Variants in KHDRBS3 observed in about 807,000 individuals in gnomAD.
The protein encoded by KHDRBS3 is KH domain-containing, RNA-binding, signal transduction-associated protein 3.
Under a neutral mutation model 45.6 loss-of-function variants are expected in KHDRBS3, and 23 were observed. That is an observed-to-expected ratio of 0.50 (90% CI 0.36 to 0.72). KHDRBS3 has a LOEUF of 0.72. Ranked by LOEUF, KHDRBS3 falls within the 30% of genes least tolerant of loss-of-function variation. The probability of loss-of-function intolerance (pLI) is 0.00; values close to 1 mark genes in which losing one functional copy is unlikely to be tolerated. For missense variants in KHDRBS3, 352 were observed against 424.8 expected (o/e 0.83, Z 1.51); for synonymous variants, 162 against 156.5 (o/e 1.04, Z -0.26).
chr8:135,560,209 A>G (rs1827101858), intron 5 of KHDRBS3, among the ~76,000 whole-genome samples: 1 of 152,110 alleles, frequency 6.6e-6, no homozygotes, highest in African/African-American at 2.4e-5. Context: ...CTTATGATGA[A>G]CACTATATGT....
intron 1 of KHDRBS3, among the ~76,000 whole-genome samples, chr8:135,508,309 A>G (rs1189312724): frequency 1.3e-5 from 2 of 152,184 alleles, no homozygotes; most frequent in African/African-American, 4.8e-5. Context: ...TCATTAGTAC[A>G]GTCATATTTC....
chr8:135,617,985 G>A (rs561230491), intron 7 of KHDRBS3, among the ~76,000 whole-genome samples: 46 of 152,084 alleles, frequency 3.0e-4, no homozygotes, highest in Admixed American at 7.2e-4. Context: ...GGAGAATGTC[G>A]GTGCCTGAAT....
chr8:135,638,238 G>T (rs1196402666), intron 7 of KHDRBS3, among the ~76,000 whole-genome samples: 1 of 152,200 alleles, frequency 6.6e-6, no homozygotes, highest in Non-Finnish European at 1.5e-5. Flanking sequence ...AGTTCTGAGT[G>T]CAGGGTAATG....
intron 7 of KHDRBS3, among the ~76,000 whole-genome samples, chr8:135,634,324 T>C (rs888870702): frequency 3.9e-5 from 6 of 152,334 alleles, no homozygotes; most frequent in African/African-American, 1.4e-4. Flanking sequence ...CAGTGAAATG[T>C]CTAACAGTCA....
At chr8:135,537,588 A>G (rs1825843755) in intron 2 of KHDRBS3, among the ~76,000 whole-genome samples, 1 of 152,176 alleles carries the variant, frequency 6.6e-6, no homozygotes, top group Non-Finnish European at 1.5e-5. Flanking sequence ...AGGGTATGTG[A>G]CTTTTCCTGA....
At chr8:135,549,591 C>T (rs912904298) in intron 4 of KHDRBS3, 3 of 152,142 alleles carry the variant, frequency 2.0e-5, no homozygotes, top group Non-Finnish European at 4.4e-5. Context: ...GATTTGTATG[C>T]TCTTGATAAA....
At chr8:135,558,317 A>G (rs200880789) in intron 5 of KHDRBS3, among the ~76,000 whole-genome samples, 7 of 146,996 alleles carry the variant, frequency 4.8e-5, no homozygotes, top group African/African-American at 1.7e-4. Context: ...TGACTATCTC[A>G]AATTTATTTG....
intron 2 of KHDRBS3, among the ~76,000 whole-genome samples, chr8:135,528,934 A>G (rs146945925): frequency 6.6e-6 from 1 of 152,316 alleles, no homozygotes; most frequent in African/African-American, 2.4e-5. Flanking sequence ...GCCATTTTCA[A>G]CATGAATTGG....
At chr8:135,524,914 A>G (rs953694016) in intron 2 of KHDRBS3, among the ~76,000 whole-genome samples, 9 of 152,076 alleles carry the variant, frequency 5.9e-5, no homozygotes, top group Admixed American at 2.6e-4. Context: ...TTTTTAATTC[A>G]TTGCAAGTGT....
intron 1 of KHDRBS3, among the ~76,000 whole-genome samples, chr8:135,463,239 G>T (rs1210718892): frequency 6.6e-6 from 1 of 152,112 alleles, no homozygotes; most frequent in Non-Finnish European, 1.5e-5. Context: ...GGGAACTCCT[G>T]TCTTCATTTC....
At chr8:135,497,451 A>G (rs764937957) in intron 1 of KHDRBS3, among the ~76,000 whole-genome samples, 11 of 152,000 alleles carry the variant, frequency 7.2e-5, no homozygotes, top group Non-Finnish European at 1.5e-4. Flanking sequence ...AGGGTTTGTA[A>G]GTGTTTCTTT....
In KHDRBS3 at chr8:135,640,101, G is replaced by A. The variant is rs12545093; in HGVS notation, c.891-4958G>A. 2.0e-3 allele frequency among the ~76,000 whole-genome samples: 300 copies of A among 152,272 alleles called. 6 individuals carry two copies. The highest frequency in any genetic ancestry group is 0.017 in the Admixed American group (267 of 15,284). ...ATATAAGGGATTTTTGCTAGTGATGGAGCATGAATTCCAGAGGGTGCAGTG... is the reference window on the plus strand; with the variant it reads ...ATATAAGGGATTTTTGCTAGTGATGAAGCATGAATTCCAGAGGGTGCAGTG... On this transcript the variant is annotated intron_variant, in intron 7 of 8. Transcript: ENST00000355849.
chr8:135,470,931 A>G (rs1586561605), intron 1 of KHDRBS3, among the ~76,000 whole-genome samples: 1 of 152,240 alleles, frequency 6.6e-6, no homozygotes, highest in East Asian at 1.9e-4. Context: ...CTACCTGTGG[A>G]AATAGTAAGC....
At chr8:135,579,587 T>C (rs1483971173) in intron 5 of KHDRBS3, among the ~76,000 whole-genome samples, 1 of 152,228 alleles carries the variant, frequency 6.6e-6, no homozygotes, top group African/African-American at 2.4e-5. Flanking sequence ...TCCACCCATG[T>C]TGGCCTCACA....
intron 7 of KHDRBS3, among the ~76,000 whole-genome samples, chr8:135,642,673 C>T (rs1190225703): frequency 6.6e-6 from 1 of 152,192 alleles, no homozygotes; most frequent in Non-Finnish European, 1.5e-5. Flanking sequence ...AAATCATAAC[C>T]TCCGTGTTAC....
At chr8:135,465,014 G>A (rs1192126674) in intron 1 of KHDRBS3, among the ~76,000 whole-genome samples, 1 of 152,186 alleles carries the variant, frequency 6.6e-6, no homozygotes, top group Non-Finnish European at 1.5e-5. Flanking sequence ...GGGTGAGCAG[G>A]GCAGTTGCGT....
At position 135,647,127 on chromosome 8, in the gene KHDRBS3, C is replaced by G. The variant is rs960543001; in HGVS notation, c.*43C>G. The stretch of plus-strand genomic sequence containing the variant: ...GTGAAATAGCCAATCTCCACCAGTC[C>G]TGTATACTGTTCAAAGTAATTTTTT... On this transcript the variant is annotated 3_prime_UTR_variant, in exon 9 of 9. Transcript: ENST00000355849. 2.1e-6 allele frequency: 2 copies of G among 969,544 alleles called. No homozygotes were observed. The highest frequency in any genetic ancestry group is 3.3e-6 in the Non-Finnish European group (2 of 614,420). 60.1% of individuals were successfully genotyped at this position (969,544 alleles called of 1,614,324 possible). A position where few individuals can be genotyped will look rare whatever the true frequency, so the allele number is the denominator to read the frequency against.
intron 7 of KHDRBS3, among the ~76,000 whole-genome samples, chr8:135,642,141 G>A (rs1563827466): frequency 6.6e-6 from 1 of 152,220 alleles, no homozygotes; most frequent in Non-Finnish European, 1.5e-5. Flanking sequence ...CCTAGGGAGA[G>A]CAAACAAGAG....
intron 4 of KHDRBS3, among the ~76,000 whole-genome samples, chr8:135,552,510 C>CT (rs1826658073): frequency 6.6e-6 from 1 of 152,148 alleles, no homozygotes; most frequent in South Asian, 2.1e-4. Flanking sequence ...TTTTCTCCCC[C>CT]TGAGTATAGG....
Sources: allele counts gnomAD v4.1 joint callset (sites outside exome capture counted in the v4.1 genomes callset), GRCh38; gene constraint gnomAD v4.1.1; transcripts MANE v1.5; gene names NCBI Gene and HGNC (gene_info 2026-07-23, HGNC 2026-07-21).